UTS2B: variants seen among roughly 807,000 people sequenced by gnomAD.
UTS2B encodes urotensin 2B, also known as urotensin-2B.
Under a neutral mutation model 19.2 loss-of-function variants are expected in UTS2B, and 21 were observed. The ratio of observed to expected loss-of-function variants is 1.09; its 90% CI spans 0.78 to 1.58. The LOEUF (loss-of-function observed/expected upper bound fraction) is 1.58, where lower values mean the gene tolerates loss of function less well. Ranked by LOEUF, UTS2B falls within the 40% of genes most tolerant of loss-of-function variation. UTS2B has a pLI of 0.00. For synonymous variants in UTS2B, 57 were observed against 50.2 expected, an observed-to-expected ratio of 1.14 and a Z score of -0.58; for missense variants, 138 against 130.3, an observed-to-expected ratio of 1.06 and a Z score of -0.29.
At chr3:191,271,130 G>A (rs978227817) in intron 8 of UTS2B, among the ~76,000 whole-genome samples, 2 of 149,014 alleles carry the variant, frequency 1.3e-5, no homozygotes, top group Admixed American at 1.4e-4. Context: ...CTTGAACACG[G>A]GAGGCAGAGG....
chr3:191,310,238 T>A (rs1717261261), intron 3 of UTS2B, among the ~76,000 whole-genome samples: 1 of 151,978 alleles, frequency 6.6e-6, no homozygotes, highest in Non-Finnish European at 1.5e-5. Context: ...AGTGCTGGGA[T>A]TACAGGCGTA....
intron 2 of UTS2B, among the ~76,000 whole-genome samples, chr3:191,317,334 G>A (rs952157379): frequency 1.3e-5 from 2 of 152,184 alleles, no homozygotes; most frequent in Non-Finnish European, 2.9e-5. Flanking sequence ...TGGAACTCGT[G>A]CTAGCCCGCA....
upstream of UTS2B, chr3:191,330,648 A>G (rs758020359): frequency 2.0e-5 from 3 of 152,198 alleles, no homozygotes; most frequent in Non-Finnish European, 4.4e-5. Context: ...TGTCATTTGT[A>G]TCGATTGAAT....
chr3:191,332,883 G>A (rs1394710907), upstream of UTS2B, among the ~76,000 whole-genome samples: 2 of 152,114 alleles, frequency 1.3e-5, no homozygotes, highest in Non-Finnish European at 2.9e-5. Context: ...GTTGATCGAG[G>A]CCTTTCTAGA....
chr3:191,336,511 C>T, the UTS2B span, among the ~76,000 whole-genome samples: 1 of 151,882 alleles, frequency 6.6e-6, no homozygotes, highest in Non-Finnish European at 1.5e-5. Flanking sequence ...ATTTTAAAAT[C>T]GACTATTTTC....
chr3:191,306,200 G>T (rs903900914), intron 3 of UTS2B, among the ~76,000 whole-genome samples: 1 of 152,154 alleles, frequency 6.6e-6, no homozygotes. Flanking sequence ...CTAGTGCTGT[G>T]AAGAATGTCA....
At chr3:191,275,455 C>A (rs1716207041) in intron 7 of UTS2B, 110 bp from the exon 8 acceptor site, 2 of 776,430 alleles carry the variant, frequency 2.6e-6, no homozygotes, top group Non-Finnish European at 4.3e-6. Flanking sequence ...CCGAGGCAGG[C>A]AGGTCACGAG....
chr3:191,307,095 T>A (rs1717160207), intron 3 of UTS2B, among the ~76,000 whole-genome samples: 1 of 152,198 alleles, frequency 6.6e-6, no homozygotes, highest in Admixed American at 6.5e-5. Context: ...AGGCAATATG[T>A]GAAGAGAAAG....
intron 4 of UTS2B, among the ~76,000 whole-genome samples, chr3:191,300,082 G>A (rs1013944278): frequency 6.0e-5 from 9 of 149,874 alleles, no homozygotes; most frequent in African/African-American, 1.5e-4. Context: ...CGGAGTTTTC[G>A]CTCTTTCACC....
intron 3 of UTS2B, among the ~76,000 whole-genome samples, chr3:191,312,513 CT>C (rs200654725): frequency 0.01 from 1,520 of 151,536 alleles, 23 homozygotes; most frequent in African/African-American, 0.035. Flanking sequence ...CATCAGTTTA[CT>C]TTTTTTTTGC....
rs28776813 is a variant in UTS2B at position 191,324,771 on chromosome 3, C to G, written c.-586+3860G>C. Reference sequence around the variant, plus strand: ...TCATCAGAATAAGGAAGTCAAGGCCCGGCGTGGTGGCTCATGCCTGTAATC... The same window carrying G: ...TCATCAGAATAAGGAAGTCAAGGCCGGGCGTGGTGGCTCATGCCTGTAATC... On this transcript the variant is annotated intron_variant, in intron 2 of 8. Transcript: ENST00000340524. Among the ~76,000 whole-genome samples the G allele has an allele frequency of 1.9e-3, 284 of 152,032 alleles. 1 individual carries two copies. The highest frequency in any genetic ancestry group is 6.7e-3 in the African/African-American group (276 of 41,468).
At chr3:191,276,684 T>C (rs1241508864) in intron 7 of UTS2B, 123 bp downstream of exon 7, 1 of 801,758 alleles carries the variant, frequency 1.2e-6, no homozygotes, top group African/African-American at 1.8e-5. Context: ...TCACGCTTTG[T>C]TTAGCAGGAA....
the UTS2B span, among the ~76,000 whole-genome samples, chr3:191,338,297 T>G: frequency 6.6e-6 from 1 of 152,222 alleles, no homozygotes; most frequent in South Asian, 2.1e-4. Flanking sequence ...TCTTTTATAT[T>G]ATGAAGGTCT....
chr3:191,329,569 G>T, intron 1 of UTS2B: 2 of 1,190,838 alleles, frequency 1.7e-6, no homozygotes, highest in Non-Finnish European at 2.3e-6. Flanking sequence ...CCTGCCGGCC[G>T]GACTTTGCGC....
At chr3:191,329,527 G>A (rs1463228852) in intron 1 of UTS2B, 4 of 660,946 alleles carry the variant, frequency 6.1e-6, no homozygotes, top group East Asian at 3.5e-5. Flanking sequence ...GCCCCTGCCC[G>A]CCCGACCCGC....
intron 5 of UTS2B, 104 bp from the exon 6 acceptor site, chr3:191,278,274 G>A (rs990961129): frequency 1.4e-5 from 8 of 590,326 alleles, no homozygotes; most frequent in Non-Finnish European, 2.3e-5. Flanking sequence ...GACAACGAAA[G>A]AAATGTAGAG....
intron 4 of UTS2B, among the ~76,000 whole-genome samples, chr3:191,297,623 T>C (rs1237480074): frequency 6.8e-6 from 1 of 148,104 alleles, no homozygotes; most frequent in Non-Finnish European, 1.5e-5. Context: ...GGTCTCCCTC[T>C]AAATTCTGGG....
chr3:191,273,578 T>C (rs1716149661), intron 8 of UTS2B: 1 of 456,596 alleles, frequency 2.2e-6, no homozygotes, highest in Non-Finnish European at 4.4e-6. Flanking sequence ...CAGAATAGAG[T>C]GGTGCTGTGC....
intron 4 of UTS2B, among the ~76,000 whole-genome samples, chr3:191,296,619 A>G (rs1331618335): frequency 6.6e-6 from 1 of 152,232 alleles, no homozygotes; most frequent in African/African-American, 2.4e-5. Context: ...ATAAAGAAAT[A>G]GAGTAAGAGA....
Sources: allele counts gnomAD v4.1 joint callset (sites outside exome capture counted in the v4.1 genomes callset), GRCh38; gene constraint gnomAD v4.1.1; transcripts MANE v1.5; gene names NCBI Gene and HGNC (gene_info 2026-07-23, HGNC 2026-07-21).